The following CHODL variants were observed in gnomAD, a reference collection of about 807,000 sequenced individuals.
CHODL encodes the protein transmembrane protein MT75.
In CHODL, 29 loss-of-function variants were observed where a neutral mutation model predicts 34.5. That is an observed-to-expected ratio of 0.84 (90% CI 0.63 to 1.15). The LOEUF is 1.15. Among genes scored for constraint, CHODL ranks in the 50% most tolerant of loss-of-function variants. CHODL has a pLI of 0.00. For missense variants in CHODL, 332 were observed against 332.5 expected (o/e 1.00, Z 0.01); for synonymous variants, 125 against 116.1 (o/e 1.08, Z -0.49).
chr21:18,016,224 GC>G (rs1327894099), intron 1 of CHODL, among the ~76,000 whole-genome samples: 1 of 152,224 alleles, frequency 6.6e-6, no homozygotes, highest in Non-Finnish European at 1.5e-5. Context: ...CCAGGGCCTT[GC>G]TGCTCTGTGC....
At chr21:18,049,125 A>G (rs2064481719) in intron 2 of CHODL, among the ~76,000 whole-genome samples, 1 of 151,952 alleles carries the variant, frequency 6.6e-6, no homozygotes, top group African/African-American at 2.4e-5. Context: ...AAACAGACAC[A>G]GTGTTTAAGC....
At chr21:18,172,838 C>T (rs768941949) in intron 2 of CHODL, among the ~76,000 whole-genome samples, 36 of 152,114 alleles carry the variant, frequency 2.4e-4, no homozygotes, top group Non-Finnish European at 2.9e-5. Context: ...GAGTACTGCT[C>T]AGGAGGGTTC....
At chr21:18,135,068 T>TG (rs1422435364) in intron 2 of CHODL, among the ~76,000 whole-genome samples, 3 of 152,214 alleles carry the variant, frequency 2.0e-5, no homozygotes, top group East Asian at 3.8e-4. Context: ...TTGAGCCATG[T>TG]TTGCATTATA....
At chr21:18,003,385 CATT>C (rs1369074667) in intron 1 of CHODL, among the ~76,000 whole-genome samples, 1 of 129,138 alleles carries the variant, frequency 7.7e-6, no homozygotes, top group African/African-American at 2.5e-5. Context: ...TAATATATTA[CATT>C]ATTTTATTTT....
At chr21:18,162,032 C>A (rs1332030420) in intron 2 of CHODL, among the ~76,000 whole-genome samples, 1 of 152,180 alleles carries the variant, frequency 6.6e-6, no homozygotes, top group Non-Finnish European at 1.5e-5. Context: ...CGCACTACCA[C>A]CCTCCACCTG....
intron 2 of CHODL, among the ~76,000 whole-genome samples, chr21:18,056,621 A>G (rs1162588095): frequency 6.6e-6 from 1 of 151,880 alleles, no homozygotes; most frequent in African/African-American, 2.4e-5. Context: ...TCCAAATGTG[A>G]GACATCCTGC....
intron 2 of CHODL, among the ~76,000 whole-genome samples, chr21:18,048,935 A>G (rs2064479221): frequency 6.6e-6 from 1 of 151,958 alleles, no homozygotes; most frequent in Admixed American, 6.6e-5. Flanking sequence ...TTTTTAAAAA[A>G]AATAGAATTT....
At chr21:18,010,297 CAAAAAAAAAAA>C (rs71189576) in intron 1 of CHODL, among the ~76,000 whole-genome samples, 11 of 38,788 alleles carry the variant, frequency 2.8e-4, no homozygotes, top group African/African-American at 4.0e-4. Flanking sequence ...ACTCCCGTCT[CAAAAAAAAAAA>C]AAAAAAAAAA....
At chr21:18,184,903 T>C (rs2073423025) in intron 2 of CHODL, among the ~76,000 whole-genome samples, 1 of 152,212 alleles carries the variant, frequency 6.6e-6, no homozygotes, top group South Asian at 2.1e-4. Flanking sequence ...CTTTCAAACC[T>C]TTTTTATCAC....
chr21:18,225,335 A>G (rs2073921408), intron 2 of CHODL, among the ~76,000 whole-genome samples: 1 of 152,164 alleles, frequency 6.6e-6, no homozygotes. Flanking sequence ...GTGTGTAACA[A>G]AAGTGTTTGG....
chr21:17,943,320 G>A (rs960351800), intron 1 of CHODL, among the ~76,000 whole-genome samples: 2 of 152,182 alleles, frequency 1.3e-5, no homozygotes, highest in African/African-American at 2.4e-5. Context: ...TATGTCAAGA[G>A]CCCCAGCCTG....
intron 1 of CHODL, among the ~76,000 whole-genome samples, chr21:17,941,017 A>G (rs976193537): frequency 1.3e-5 from 2 of 152,252 alleles, no homozygotes; most frequent in Admixed American, 6.5e-5. Flanking sequence ...TTCAAGGTCC[A>G]GAGTGAGACT....
chr21:18,056,815 AGGTATT>A (rs1243601766), intron 2 of CHODL, among the ~76,000 whole-genome samples: 5 of 152,000 alleles, frequency 3.3e-5, no homozygotes, highest in Non-Finnish European at 7.4e-5. Context: ...GATTAATGGT[AGGTATT>A]TTATAGTTTG....
At chr21:18,217,530 C>A (rs147794584) in intron 2 of CHODL, among the ~76,000 whole-genome samples, 1 of 151,988 alleles carries the variant, frequency 6.6e-6, no homozygotes, top group Admixed American at 6.5e-5. Flanking sequence ...TCCTTCCCAG[C>A]AGAGGTGGGG....
chr21:17,948,920 T>C (rs959352819), intron 1 of CHODL, among the ~76,000 whole-genome samples: 2 of 152,172 alleles, frequency 1.3e-5, no homozygotes, highest in Non-Finnish European at 2.9e-5. Flanking sequence ...GCCAGCATTA[T>C]TCTGTTGTCA....
chr21:18,262,804 T>A lies in CHODL; in HGVS notation c.648T>A (p.Asn216Lys), dbSNP rs1291958248. 2 of 1,587,474 alleles carry A rather than the reference T, an allele frequency of 1.3e-6. No individual in the cohort carries two copies. Among genetic ancestry groups the A allele is most frequent in the African/African-American group, 2.7e-5 (2 of 74,380 alleles). The change falls in exon 5 of 6, where the codon AAT becomes AAA. Residue 216 changes from asparagine to lysine, a missense_variant. Coordinates refer to ENST00000299295, the MANE Select transcript of CHODL (RefSeq NM_024944.3). ...TTTATTTTGTAGGTATAATTCCCAA[T>A]CTAATTTATGTTGTTATACCAACAA... is the stretch of plus-strand genomic sequence containing the variant. Reference protein sequence around the residue: ...VVVTEAGIIPNLIYVVIPTIP... With the variant: ...VVVTEAGIIPKLIYVVIPTIP...
chr21:18,059,934 C>T (rs889700153), intron 2 of CHODL, among the ~76,000 whole-genome samples: 2 of 152,000 alleles, frequency 1.3e-5, no homozygotes, highest in African/African-American at 4.8e-5. Flanking sequence ...ATTCTTGACA[C>T]CTCCCTCTTT....
At chr21:18,015,295 T>A (rs989999469) in intron 1 of CHODL, among the ~76,000 whole-genome samples, 6 of 152,112 alleles carry the variant, frequency 3.9e-5, no homozygotes, top group Non-Finnish European at 7.4e-5. Flanking sequence ...GTGTAGCACT[T>A]CCCCCTTTGC....
chr21:18,036,171 C>G (rs2064307396), intron 2 of CHODL, among the ~76,000 whole-genome samples: 1 of 151,990 alleles, frequency 6.6e-6, no homozygotes, highest in Non-Finnish European at 1.5e-5. Context: ...TCCTTTATTA[C>G]TAAGGCAATA....
Sources: gnomAD v4.1 joint callset for allele counts (sites outside exome capture counted in the v4.1 genomes callset) on GRCh38, gnomAD v4.1.1 for gene constraint, MANE v1.5 for transcripts, NCBI Gene and HGNC (gene_info 2026-07-23, HGNC 2026-07-21) for gene names.